Variants in CADM1 observed in about 807,000 individuals in gnomAD.
The protein encoded by CADM1 is TSLC-1.
CADM1 carries 15 observed loss-of-function variants against 53.1 expected under a neutral mutation model. The observed-to-expected ratio is 0.28, with a 90% CI of 0.19 to 0.44. The LOEUF is 0.44. Among genes scored for constraint, CADM1 ranks in the 20% least tolerant of loss-of-function variants. CADM1 has a pLI of 1.00. For synonymous variants in CADM1, 281 were observed against 243.0 expected, an observed-to-expected ratio of 1.16 and a Z score of -1.45; for missense variants, 434 against 611.3, an observed-to-expected ratio of 0.71 and a Z score of 3.06.
At chr11:115,480,800 G>A (rs1376210104) in intron 1 of CADM1, among the ~76,000 whole-genome samples, 1 of 152,100 alleles carries the variant, frequency 6.6e-6, no homozygotes, top group Admixed American at 6.5e-5. Context: ...TTCCCAAGAA[G>A]GTTCTCCCTC....
intron 1 of CADM1, among the ~76,000 whole-genome samples, chr11:115,443,176 G>A (rs1292950524): frequency 2.0e-5 from 3 of 152,040 alleles, no homozygotes; most frequent in South Asian, 2.1e-4. Flanking sequence ...GTGAATGAAG[G>A]GGAAAGGATT....
At chr11:115,434,588 G>C (rs1302481175) in intron 1 of CADM1, among the ~76,000 whole-genome samples, 1 of 152,122 alleles carries the variant, frequency 6.6e-6, no homozygotes, top group Non-Finnish European at 1.5e-5. Flanking sequence ...TCACTTCATA[G>C]AAATCTTGTG....
At chr11:115,318,345 A>T (rs1944729885) in intron 1 of CADM1, among the ~76,000 whole-genome samples, 1 of 152,228 alleles carries the variant, frequency 6.6e-6, no homozygotes, top group South Asian at 2.1e-4. Flanking sequence ...AGTTTCCAGA[A>T]ATCACATCCT....
intron 1 of CADM1, among the ~76,000 whole-genome samples, chr11:115,381,699 C>T (rs1468669485): frequency 6.6e-6 from 1 of 152,158 alleles, no homozygotes; most frequent in African/African-American, 2.4e-5. Context: ...ACACGAAGTA[C>T]ATTAATCTTA....
intron 1 of CADM1, among the ~76,000 whole-genome samples, chr11:115,255,072 C>T (rs2134991530): frequency 6.6e-6 from 1 of 152,158 alleles, no homozygotes. Flanking sequence ...AAGCAGAACT[C>T]AGGAGAAGGA....
chr11:115,397,816 A>G (rs1284603074), intron 1 of CADM1, among the ~76,000 whole-genome samples: 1 of 152,208 alleles, frequency 6.6e-6, no homozygotes, highest in African/African-American at 2.4e-5. Flanking sequence ...AAAATGGTGG[A>G]TAAAAATTTT....
At chr11:115,372,830 ACTGGAAC>A (rs1481448586) in intron 1 of CADM1, among the ~76,000 whole-genome samples, 1 of 152,198 alleles carries the variant, frequency 6.6e-6, no homozygotes, top group Non-Finnish European at 1.5e-5. Flanking sequence ...CAAGGAAAAC[ACTGGAAC>A]TCTCAGGTGA....
At chr11:115,220,121 A>C (rs931808320) in intron 5 of CADM1, among the ~76,000 whole-genome samples, 3 of 152,110 alleles carry the variant, frequency 2.0e-5, no homozygotes, top group African/African-American at 4.8e-5. Flanking sequence ...AATTAAGAAG[A>C]AGCAGAATGC....
intron 8 of CADM1, among the ~76,000 whole-genome samples, chr11:115,202,653 T>C (rs544943830): frequency 8.5e-5 from 13 of 152,298 alleles, no homozygotes; most frequent in African/African-American, 3.1e-4. Flanking sequence ...GTTAGACATA[T>C]TTTAATACAC....
intron 1 of CADM1, among the ~76,000 whole-genome samples, chr11:115,331,485 T>A (rs1945126805): frequency 6.6e-6 from 1 of 152,282 alleles, no homozygotes; most frequent in African/African-American, 2.4e-5. Flanking sequence ...GGTAAGCACA[T>A]TGTTCAGGTT....
At chr11:115,326,624 C>A (rs764713258) in intron 1 of CADM1, among the ~76,000 whole-genome samples, 1 of 152,156 alleles carries the variant, frequency 6.6e-6, no homozygotes, top group African/African-American at 2.4e-5. Flanking sequence ...ATCTAGAATA[C>A]AAATTAGCAA....
Position 115,229,356 on chromosome 11 carries a change from C to T in CADM1, c.563-85G>A, listed in dbSNP as rs1591625490. On this transcript the variant is annotated intron_variant, in intron 4 of 11. Transcript: ENST00000331581. Reference sequence around the variant, plus strand: ...TTATGTCCTCCCCTCTGTCCTCTAACCCCAACATTGCTATTTTAACAAATA... The same window carrying T: ...TTATGTCCTCCCCTCTGTCCTCTAATCCCAACATTGCTATTTTAACAAATA... 7 of 1,225,550 alleles carry T rather than the reference C, an allele frequency of 5.7e-6. No individual in the cohort carries two copies. In the East Asian group the frequency reaches 1.6e-4, roughly 29 times the overall value. The allele number at this position is 1,225,550 out of a possible 1,614,324, so 75.9% of individuals were successfully genotyped here. A position where few individuals can be genotyped will look rare whatever the true frequency, so the allele number is the denominator to read the frequency against.
At chr11:115,281,103 G>A (rs561162077) in intron 1 of CADM1, among the ~76,000 whole-genome samples, 1 of 152,312 alleles carries the variant, frequency 6.6e-6, no homozygotes, top group East Asian at 1.9e-4. Flanking sequence ...CTACAAGACA[G>A]AATCTGTTTC....
chr11:115,330,437 TATA>T (rs1370222817), intron 1 of CADM1, among the ~76,000 whole-genome samples: 1 of 152,172 alleles, frequency 6.6e-6, no homozygotes, highest in Non-Finnish European at 1.5e-5. Flanking sequence ...ATTATTCATC[TATA>T]ATGTGTGATT....
chr11:115,283,721 G>A lies in CADM1; in HGVS notation c.125-43301C>T, dbSNP rs890264836. Among the ~76,000 whole-genome samples, 5 of 152,186 alleles carry A rather than the reference G, an allele frequency of 3.3e-5. No individual in the cohort carries two copies. In the East Asian group the frequency reaches 7.7e-4, roughly 23 times the overall value. ...CTTCCCTGGAAGCTACTAAAGCCAC[G>A]CCAGACATTCAGGGCAAAGTGGGAT... On this transcript the variant is annotated intron_variant, in intron 1 of 11. Transcript: ENST00000331581.
intron 3 of CADM1, among the ~76,000 whole-genome samples, chr11:115,237,066 G>A (rs1942034717): frequency 6.6e-6 from 1 of 152,164 alleles, no homozygotes; most frequent in Non-Finnish European, 1.5e-5. Flanking sequence ...AAGGGTGGAT[G>A]AGTGGATAGT....
intron 3 of CADM1, 26 bp downstream of exon 3, chr11:115,238,474 G>T: frequency 6.2e-7 from 1 of 1,612,652 alleles, no homozygotes; most frequent in Non-Finnish European, 8.5e-7. Context: ...CCATTTCCCC[G>T]GGTAAGCCCC....
At chr11:115,207,214 A>C (rs1940740669) in intron 8 of CADM1, 1 of 152,146 alleles carries the variant, frequency 6.6e-6, no homozygotes, top group Non-Finnish European at 1.5e-5. Flanking sequence ...CTGGGCATTC[A>C]TTACCACAAA....
intron 1 of CADM1, among the ~76,000 whole-genome samples, chr11:115,257,420 C>A (rs1265855964): frequency 6.6e-6 from 1 of 152,184 alleles, no homozygotes; most frequent in Non-Finnish European, 1.5e-5. Context: ...AATTGTAGCA[C>A]TATTCACTGT....
Sources: allele counts gnomAD v4.1 joint callset (sites outside exome capture counted in the v4.1 genomes callset), GRCh38; gene constraint gnomAD v4.1.1; transcripts MANE v1.5; gene names NCBI Gene and HGNC (gene_info 2026-07-23, HGNC 2026-07-21).